Variants in TMEM259 observed in about 807,000 individuals in gnomAD.
The protein encoded by TMEM259 is membralin.
A neutral mutation model predicts 46.7 loss-of-function variants in TMEM259; 26 were observed. The observed-to-expected ratio is 0.56, with a 90% confidence interval of 0.41 to 0.77. TMEM259 has a LOEUF of 0.77. TMEM259 is among the 30% of genes least tolerant of loss of function. TMEM259 has a pLI of 0.00. For synonymous variants in TMEM259, 494 were observed against 395.1 expected (o/e 1.25, Z -2.97); for missense variants, 930 against 900.5 (o/e 1.03, Z -0.42).
chr19:1,014,578 C>G, intron 1 of TMEM259, 105 bp from the exon 2 acceptor site: 1 of 1,326,642 alleles, frequency 7.5e-7, no homozygotes, highest in Non-Finnish European at 1.0e-6. Context: ...ACGCCCAGGA[C>G]GGGGAAAGGA....
rs1372310779 is a variant in TMEM259 at position 1,011,741 on chromosome 19, C to A, written c.1000G>T (p.Val334Leu). The A allele has an allele frequency of 6.5e-7, 1 of 1,546,704 alleles. No homozygotes were observed. Among genetic ancestry groups the A allele is most frequent in the South Asian group, 1.2e-5 (1 of 84,446 alleles). ...YSHHQIFVFI[V>L]DLLQMLEMNM... ...CGCCCTGCGCCGGCGGGACACTCAC[C>A]GATGAAGACGAAGATCTGGTGGTGT... Residue 334 changes from valine to leucine, a missense_variant and splice_region_variant, in exon 7 of 11, where the codon GTG (valine) becomes TTG (leucine). Val to Leu is a conservative substitution (Grantham distance 32). Coordinates refer to ENST00000356663, the MANE Select transcript of TMEM259 (RefSeq NM_001033026.2).
rs762323934 is a variant in TMEM259 at position 1,011,130 on chromosome 19, C to A, written c.1283G>T (p.Ser428Ile). The A allele has an allele frequency of 6.2e-7, 1 of 1,603,734 alleles. No individual in the cohort carries two copies. Residue 428 changes from serine to isoleucine, a missense_variant, in exon 10 of 11, where the codon AGC (serine) becomes ATC (isoleucine). Coordinates refer to ENST00000356663, the MANE Select transcript of TMEM259 (RefSeq NM_001033026.2). The stretch of plus-strand genomic sequence containing the variant: ...GAGCCAGGAGGTGACCAGGGCCAGG[C>A]TGCTATACTGCCCATTGAAGCGGTA... Reference protein sequence around the residue: ...YHYRFNGQYSSLALVTSWLFI... With the variant: ...YHYRFNGQYSILALVTSWLFI...
At chr19:1,012,674 C>T in intron 3 of TMEM259, 101 bp from the exon 4 acceptor site, 2 of 1,463,696 alleles carry the variant, frequency 1.4e-6, no homozygotes, top group Non-Finnish European at 9.1e-7. Flanking sequence ...GTGAGACCTG[C>T]TGAGCCCTGG....
chr19:1,017,568 C>T (rs144119542), intron 1 of TMEM259: 19 of 397,310 alleles, frequency 4.8e-5, no homozygotes, highest in East Asian at 2.1e-4. Context: ...AGCCCACACA[C>T]GGCTGCACCC....
At chr19:1,014,520 G>A (rs780972431) in intron 1 of TMEM259, 47 bp from the exon 2 acceptor site, 1 of 1,580,914 alleles carries the variant, frequency 6.3e-7, no homozygotes, top group South Asian at 1.1e-5. Flanking sequence ...GCCAGCTGCA[G>A]CCGACACCCA....
chr19:1,010,874 G>A lies in TMEM259; in HGVS notation c.1339C>T (p.His447Tyr). ...AGGATGGCAGGCAGCTCGTAGTGGT[G>A]GAAGAAGTAGATCATGGAATGCTGC... ...FIQHSMIYFF[H>Y]HYELPAILQQ... Residue 447 changes from histidine to tyrosine, a missense_variant, in exon 11 of 11, where the codon CAC (histidine) becomes TAC (tyrosine). Coordinates refer to ENST00000356663, the MANE Select transcript of TMEM259 (RefSeq NM_001033026.2). 1 of 1,590,408 alleles carries A rather than the reference G, an allele frequency of 6.3e-7. No individual in the cohort carries two copies. Among genetic ancestry groups the A allele is most frequent in the Non-Finnish European group, 8.5e-7 (1 of 1,175,168 alleles).
chr19:1,012,269 G>C, intron 4 of TMEM259, 81 bp from the exon 5 acceptor site: 4 of 1,529,584 alleles, frequency 2.6e-6, no homozygotes, highest in Non-Finnish European at 3.5e-6. Context: ...CCATTGCTGA[G>C]GCCTGGCCTG....
rs1374980586 is a variant in TMEM259 at position 1,011,372 on chromosome 19, C to G, written c.1212G>C (p.Trp404Cys). 4.4e-6 allele frequency: 7 copies of G among 1,573,178 alleles called. No homozygotes were observed. Among genetic ancestry groups the G allele is most frequent in the Non-Finnish European group, 6.0e-6 (7 of 1,161,134 alleles). Residue 404 changes from tryptophan to cysteine, a missense_variant, in exon 9 of 11, where the codon TGG becomes TGC. Transcript: ENST00000356663. Reference sequence around the variant, plus strand: ...TGCCCCCGCGCCACGCTCACCGCAGCCAATGCCGCTTGCTGGTGCTGGTGT... The same window carrying G: ...TGCCCCCGCGCCACGCTCACCGCAGGCAATGCCGCTTGCTGGTGCTGGTGT... ...CCHTSTSKRH[W>C]LRFFYLYHFA...
chr19:1,013,414 C>T, intron 2 of TMEM259, 74 bp from the exon 3 acceptor site: 1 of 1,467,864 alleles, frequency 6.8e-7, no homozygotes, highest in Non-Finnish European at 9.5e-7. Context: ...GGATACAGTC[C>T]TGCTAATGGG....
intron 1 of TMEM259, among the ~76,000 whole-genome samples, chr19:1,017,588 C>T (rs2039153007): frequency 6.6e-6 from 1 of 152,142 alleles, no homozygotes; most frequent in Non-Finnish European, 1.5e-5. Context: ...CACAGGAGCA[C>T]CTCCCCCAGC....
Position 1,012,396 on chromosome 19 carries a change from G to A in TMEM259, c.718+67C>T, listed in dbSNP as rs763833190. ...ACAGCCCCCCGTCCCGCACCAGCAG[G>A]AGGAGACCCGAGGGAGGAGGGGAGG... On this transcript the variant is annotated intron_variant, in intron 4 of 10. Transcript: ENST00000356663. The A allele has an allele frequency of 3.3e-6, 5 of 1,528,266 alleles. No individual in the cohort carries two copies. In the East Asian group the frequency reaches 7.4e-5, roughly 22 times the overall value. The allele number at this position is 1,528,266 out of a possible 1,614,324, so 94.7% of individuals were successfully genotyped here. A position where few individuals can be genotyped will look rare whatever the true frequency, so the allele number is the denominator to read the frequency against.
Position 1,020,320 on chromosome 19 carries a change from T to C in TMEM259, c.225+452A>G, listed in dbSNP as rs975525702. On this transcript the variant is annotated intron_variant, in intron 1 of 10. Transcript: ENST00000356663. The surrounding 1 kb of genome is among the most constrained non-coding windows in gnomAD (Gnocchi z 4.0). ...TCAGGCTGGGTTCTGGGCCAGCACA[T>C]TGGGAGGGGAGAGAGGCCTCGGAAC... Among the ~76,000 whole-genome samples, 4 of 151,302 alleles carry C rather than the reference T, an allele frequency of 2.6e-5. No individual in the cohort carries two copies. In the East Asian group the frequency reaches 5.9e-4, roughly 22 times the overall value.
intron 7 of TMEM259, 32 bp downstream of exon 7, chr19:1,011,709 C>T: frequency 6.5e-7 from 1 of 1,528,490 alleles, no homozygotes; most frequent in Non-Finnish European, 8.8e-7. Context: ...CTGGAGGACG[C>T]CCGCCCCGCC....
rs920525385 is a variant in TMEM259 at position 1,010,299 on chromosome 19, G to C, written c.*51C>G. ...TGGCCTCCCCCACCCCCACGGGCTC[G>C]GGAAGGTCAGGCCCAGCCAGCAGGG... On this transcript the variant is annotated 3_prime_UTR_variant, in exon 11 of 11. Coordinates refer to ENST00000356663, the MANE Select transcript of TMEM259 (RefSeq NM_001033026.2). 4.3e-6 allele frequency: 6 copies of C among 1,401,204 alleles called. No homozygotes were observed. Among genetic ancestry groups the C allele is most frequent in the African/African-American group, 1.5e-5 (1 of 65,448 alleles). 86.8% of individuals were successfully genotyped at this position (1,401,204 alleles called of 1,614,324 possible). A position where few individuals can be genotyped will look rare whatever the true frequency, so the allele number is the denominator to read the frequency against.
intron 2 of TMEM259, among the ~76,000 whole-genome samples, 194 bp downstream of exon 2, chr19:1,013,998 G>A (rs1340227672): frequency 2.0e-5 from 3 of 152,168 alleles, no homozygotes; most frequent in Admixed American, 6.5e-5. Context: ...CTAGCAGGGC[G>A]ACAGGCCGAG....
In TMEM259 at chr19:1,020,757, C is replaced by T; in HGVS notation, c.225+15G>A. 2 of 1,300,954 alleles carry T rather than the reference C, an allele frequency of 1.5e-6. No homozygotes were observed. The highest frequency in any genetic ancestry group is 3.0e-5 in the East Asian group (1 of 32,832). The allele number at this position is 1,300,954 out of a possible 1,614,324, so 80.6% of individuals were successfully genotyped here. ...GCCGCTGGGGTCAAGGGTCGGGGGT[C>T]GGGGCCGCGGTCACCTTGAGCAGCA... is the stretch of plus-strand genomic sequence containing the variant. On this transcript the variant is annotated intron_variant, in intron 1 of 10. Transcript: ENST00000356663. The surrounding 1 kb of genome is among the most constrained non-coding windows in gnomAD (Gnocchi z 4.0).
chr19:1,015,130 C>T (rs2039066668), intron 1 of TMEM259, among the ~76,000 whole-genome samples: 1 of 152,240 alleles, frequency 6.6e-6, no homozygotes, highest in African/African-American at 2.4e-5. Context: ...GCAACCCTCC[C>T]AGGCCTGGCG....
chr19:1,011,869 C>G, intron 6 of TMEM259, 23 bp downstream of exon 6: 2 of 1,600,362 alleles, frequency 1.2e-6, no homozygotes, highest in East Asian at 2.2e-5. Flanking sequence ...GGCCAGCCCC[C>G]GCACCCGCCC....
chr19:1,020,777 G>T lies in TMEM259; in HGVS notation c.220C>A (p.Leu74Ile). ...GGGGTCGGGGCCGCGGTCACCTTGA[G>T]CAGCACGAAGAACTCGAAGAGACGG... The part of the protein sequence containing the change: ...FRRLFEFFVL[L>I]KALFVLFVLA... Residue 74 changes from leucine (L) to isoleucine (I), a missense_variant, in exon 1 of 11, where the codon CTC becomes ATC. Coordinates refer to ENST00000356663, the MANE Select transcript of TMEM259 (RefSeq NM_001033026.2). The surrounding 1 kb of genome is among the most constrained non-coding windows in gnomAD (Gnocchi z 4.0). 1 of 1,339,628 alleles carries T rather than the reference G, an allele frequency of 7.5e-7. No individual in the cohort carries two copies. Among genetic ancestry groups the T allele is most frequent in the Non-Finnish European group, 9.6e-7 (1 of 1,040,450 alleles). The allele number at this position is 1,339,628 out of a possible 1,614,324, so 83.0% of individuals were successfully genotyped here.
Sources: gnomAD v4.1 joint callset for allele counts (sites outside exome capture counted in the v4.1 genomes callset) on GRCh38, gnomAD v4.1.1 for gene constraint, Gnocchi (gnomAD v3.1) non-coding constraint, MANE v1.5 for transcripts, NCBI Gene and HGNC (gene_info 2026-07-23, HGNC 2026-07-21) for gene names.